ABHD18: variants seen among roughly 807,000 people sequenced by gnomAD.
The protein encoded by ABHD18 is cardiolipin-specific deacylase, mitochondrial.
Under a neutral mutation model 65.9 loss-of-function variants are expected in ABHD18, and 55 were observed. That is an observed-to-expected ratio of 0.84 (90% confidence interval 0.67 to 1.05). The LOEUF is 1.05. Among genes scored for constraint, ABHD18 ranks in the 50% least tolerant of loss-of-function variants. The pLI, the probability that ABHD18 is intolerant of heterozygous loss-of-function variation, is 0.00. For synonymous variants in ABHD18, 181 were observed against 180.2 expected (o/e 1.00, Z -0.04); for missense variants, 533 against 558.5 (o/e 0.95, Z 0.46).
intron 4 of ABHD18, among the ~76,000 whole-genome samples, chr4:127,994,238 T>G (rs1405510474): frequency 6.6e-6 from 1 of 152,198 alleles, no homozygotes; most frequent in African/African-American, 2.4e-5. Context: ...GATGTATCTT[T>G]GGGACAGCCT....
chr4:128,004,770 T>G (rs1360943162), intron 4 of ABHD18, among the ~76,000 whole-genome samples: 1 of 142,782 alleles, frequency 7.0e-6, no homozygotes, highest in Non-Finnish European at 1.5e-5. Flanking sequence ...AATTAGCTGG[T>G]TGTGGTGGTG....
chr4:128,013,647 G>A (rs1472581161), intron 7 of ABHD18, among the ~76,000 whole-genome samples: 2 of 151,674 alleles, frequency 1.3e-5, no homozygotes, highest in Non-Finnish European at 1.5e-5. Flanking sequence ...ACAGTGAGCC[G>A]AGATTGCGCC....
intron 6 of ABHD18, among the ~76,000 whole-genome samples, chr4:128,010,766 T>C (rs923787002): frequency 6.6e-6 from 1 of 151,668 alleles, no homozygotes; most frequent in Non-Finnish European, 1.5e-5. Flanking sequence ...AATACAAAAA[T>C]TAGCCAGGCG....
rs1433770928 is a variant in ABHD18, at chr4:128,009,093, T to C, written c.358-14T>C. ...ACTATATTCTTTTGAGTATGTGTTCTTTTCTTTCCTTAGCATTACTGGAGG... is the reference window on the plus strand; with the variant it reads ...ACTATATTCTTTTGAGTATGTGTTCCTTTCTTTCCTTAGCATTACTGGAGG... On this transcript the variant is annotated splice_polypyrimidine_tract_variant and intron_variant, in intron 5 of 12. Transcript: ENST00000645843. 1 of 1,583,310 alleles carries C rather than the reference T, an allele frequency of 6.3e-7. No individual in the cohort carries two copies. The highest frequency in any genetic ancestry group is 2.3e-5 in the East Asian group (1 of 44,034).
chr4:128,026,247 C>T (rs1757332895), intron 10 of ABHD18, among the ~76,000 whole-genome samples: 1 of 151,972 alleles, frequency 6.6e-6, no homozygotes, highest in African/African-American at 2.4e-5. Context: ...AAGATCATGC[C>T]ATTGCACTCC....
chr4:127,999,004 G>A (rs1752234470), intron 4 of ABHD18, among the ~76,000 whole-genome samples: 1 of 151,810 alleles, frequency 6.6e-6, no homozygotes, highest in Admixed American at 6.6e-5. Flanking sequence ...TTGATTTCTT[G>A]ATTACTCAAG....
chr4:127,987,448 G>A (rs956172228), intron 3 of ABHD18, among the ~76,000 whole-genome samples: 1 of 151,716 alleles, frequency 6.6e-6, no homozygotes, highest in Non-Finnish European at 1.5e-5. Context: ...GGTGGCTCAC[G>A]CCTGTAATCC....
Position 128,033,524 on chromosome 4 carries a change from C to CTTTTTTTTTTTTTTTTTTTTTTTTTT in ABHD18, c.1344-2218_1344-2217insTTTTTTTTTTTTTTTTTTTTTTTTTT, listed in dbSNP as rs869099600. On this transcript the variant is annotated intron_variant, in intron 12 of 12. Coordinates refer to ENST00000645843, the MANE Select transcript of ABHD18 (RefSeq NM_001358451.3). ...GCAGGCTATCAGTTTCAAAGATAGT[C>CTTTTTTTTTTTTTTTTTTTTTTTTTT]TTTTTTTTTTTTTTTTTTTTGTCTT... Among the ~76,000 whole-genome samples, 8 of 108,630 alleles carry CTTTTTTTTTTTTTTTTTTTTTTTTTT rather than the reference C, an allele frequency of 7.4e-5. 1 individual carries two copies. Among genetic ancestry groups the CTTTTTTTTTTTTTTTTTTTTTTTTTT allele is most frequent in the East Asian group, 6.7e-4 (2 of 2,988 alleles). The allele number at this position is 108,630 out of a possible 152,430, so 71.3% of individuals were successfully genotyped here. A position where few individuals can be genotyped will look rare whatever the true frequency, so the allele number is the denominator to read the frequency against.
At chr4:127,991,544 G>A (rs761527511) in intron 4 of ABHD18, among the ~76,000 whole-genome samples, 2 of 151,922 alleles carry the variant, frequency 1.3e-5, no homozygotes, top group Non-Finnish European at 2.9e-5. Flanking sequence ...TTTTTAAGTT[G>A]TTTTTAATTC....
At chr4:127,984,947 T>C (rs2149075822) in intron 3 of ABHD18, among the ~76,000 whole-genome samples, 1 of 152,344 alleles carries the variant, frequency 6.6e-6, no homozygotes, top group East Asian at 1.9e-4. Context: ...GAAGCATATG[T>C]TTATTACTTG....
intron 1 of ABHD18, among the ~76,000 whole-genome samples, chr4:127,974,189 T>G (rs984144258): frequency 1.9e-5 from 2 of 107,900 alleles, no homozygotes; most frequent in South Asian, 3.1e-4. Flanking sequence ...TTAAGTTCTG[T>G]TTTTTTTTTT....
At chr4:127,969,237 C>G (rs1340781584) in intron 1 of ABHD18, among the ~76,000 whole-genome samples, 1 of 144,754 alleles carries the variant, frequency 6.9e-6, no homozygotes, top group African/African-American at 2.6e-5. Context: ...CTTTTGCTCT[C>G]GTTGCCCAGG....
rs1754091621 is a variant in ABHD18 at position 128,008,971 on chromosome 4, C to G, written c.330C>G (p.Cys110Trp). The change falls in exon 5 of 13, where the codon TGC becomes TGG. Residue 110 changes from cysteine to tryptophan, a missense_variant. Physicochemically the swap from Cys to Trp is radical, Grantham distance 215. This residue lies in a region of ABHD18 where 309 missense variants were observed against 313.5 expected (regional missense o/e 0.99). Transcript: ENST00000645843. The stretch of plus-strand genomic sequence containing the variant: ...GGAACAGCAAATATAGACCTGTATG[C>G]ATTCATCTTGCTGGAACAGGAGATC... Reference protein sequence around the residue: ...KEWNSKYRPVCIHLAGTGDHH... With the variant: ...KEWNSKYRPVWIHLAGTGDHH... The G allele has an allele frequency of 6.2e-7, 1 of 1,610,290 alleles. No homozygotes were observed. The highest frequency in any genetic ancestry group is 1.3e-5 in the African/African-American group (1 of 74,832).
rs1290026501 is a variant in ABHD18, at chr4:128,039,266, A to G, written c.*3453A>G. On this transcript the variant is annotated 3_prime_UTR_variant, in exon 13 of 13. Coordinates refer to ENST00000645843, the MANE Select transcript of ABHD18 (RefSeq NM_001358451.3). ...CATAAAATATTAGAAATTCATTTAG[A>G]CCAGATCTGTAAACTGGTAGTTCAC... 6.6e-6 allele frequency: 1 copy of G among 150,984 alleles called. No homozygotes were observed. The highest frequency in any genetic ancestry group is 2.4e-5 in the African/African-American group (1 of 41,152). The allele number at this position is 150,984 out of a possible 1,614,324, so 9.4% of individuals were successfully genotyped here. A position where few individuals can be genotyped will look rare whatever the true frequency, so the allele number is the denominator to read the frequency against.
At chr4:127,993,472 A>AT (rs886832094) in intron 4 of ABHD18, among the ~76,000 whole-genome samples, 3 of 152,152 alleles carry the variant, frequency 2.0e-5, no homozygotes, top group African/African-American at 7.2e-5. Context: ...ATGAAATACT[A>AT]TAAGTTCCCA....
chr4:127,970,556 T>G (rs1746544074), intron 1 of ABHD18, among the ~76,000 whole-genome samples: 1 of 125,696 alleles, frequency 8.0e-6, no homozygotes, highest in South Asian at 2.4e-4. Flanking sequence ...ACCATTGCAA[T>G]CCAGCCTGGG....
chr4:128,009,568 CAGA>C (rs1181201205), intron 6 of ABHD18: 2 of 156,396 alleles, frequency 1.3e-5, no homozygotes, highest in East Asian at 1.9e-4. Flanking sequence ...AGACTATTCA[CAGA>C]AGAAGAAATG....
intron 8 of ABHD18, among the ~76,000 whole-genome samples, chr4:128,018,469 CA>C (rs1190604585): frequency 2.6e-5 from 4 of 151,476 alleles, no homozygotes; most frequent in Non-Finnish European, 5.9e-5. Flanking sequence ...CCTGTCTCTA[CA>C]AAAAAAATTG....
At position 128,021,213 on chromosome 4, in the gene ABHD18, T is replaced by G; in HGVS notation, c.776T>G (p.Ile259Ser). 3 of 1,544,602 alleles carry G rather than the reference T, an allele frequency of 1.9e-6. No homozygotes were observed. The highest frequency in any genetic ancestry group is 2.6e-6 in the Non-Finnish European group (3 of 1,141,576). Residue 259 changes from isoleucine (I) to serine (S), a missense_variant, in exon 10 of 13, where the codon ATT (isoleucine) becomes AGT (serine). Coordinates refer to ENST00000645843, the MANE Select transcript of ABHD18 (RefSeq NM_001358451.3). ...YYTQTVYEEEIIHMLEYCGTD... is the reference protein window; with the variant it reads ...YYTQTVYEEESIHMLEYCGTD... ...ACCCAGACAGTTTATGAAGAAGAAA[T>G]TATTCACATGCTTGAATACTGTGGA...
Sources: gnomAD v4.1 joint callset for allele counts (sites outside exome capture counted in the v4.1 genomes callset) on GRCh38, gnomAD v4.1.1 for gene constraint, gnomAD v4.1.1 regional missense constraint, MANE v1.5 for transcripts, NCBI Gene and HGNC (gene_info 2026-07-23, HGNC 2026-07-21) for gene names.